Variants in FAAH2 observed in about 807,000 individuals in gnomAD.
FAAH2 encodes the protein fatty-acid amide hydrolase 2.
FAAH2 carries 60 observed loss-of-function variants against 36.9 expected under a neutral mutation model. The ratio of observed to expected loss-of-function variants is 1.63; its 90% CI spans 1.32 to 2.02. The LOEUF (loss-of-function observed/expected upper bound fraction) is 2.02, where lower values mean the gene tolerates loss of function less well. Ranked by LOEUF, FAAH2 falls within the 30% of genes most tolerant of loss-of-function variation. FAAH2 has a pLI of 0.00. For synonymous variants in FAAH2, 214 were observed against 143.8 expected (o/e 1.49, Z -3.49); for missense variants, 689 against 397.5 (o/e 1.73, Z -6.23).
At chrX:57,207,558 G>A in the FAAH2 span, among the ~76,000 whole-genome samples, 5 of 112,179 alleles carry the variant, frequency 4.5e-5, no homozygotes, top group East Asian at 2.8e-4. Context: ...CCTCCTGTTC[G>A]TTTAGTTTTA....
the FAAH2 span, among the ~76,000 whole-genome samples, chrX:57,252,087 G>A: frequency 1.8e-5 from 2 of 112,792 alleles, no homozygotes; most frequent in African/African-American, 6.4e-5. Context: ...TGGCTTGGTG[G>A]TTCCCACACC....
intron 5 of FAAH2, among the ~76,000 whole-genome samples, chrX:57,362,173 C>CA (rs1013911425): frequency 2.7e-5 from 3 of 110,611 alleles, no homozygotes; most frequent in African/African-American, 9.9e-5. Flanking sequence ...TATGCAGCCA[C>CA]AAAAAAAGAT....
intron 3 of FAAH2, among the ~76,000 whole-genome samples, chrX:57,325,570 C>G (rs1415737300): frequency 9.3e-6 from 1 of 107,441 alleles, no homozygotes; most frequent in Non-Finnish European, 1.9e-5. Flanking sequence ...AGTCTTGGGA[C>G]AGTGTAGGTG....
At chrX:57,325,658 G>A (rs1162698580) in intron 3 of FAAH2, among the ~76,000 whole-genome samples, 3 of 89,719 alleles carry the variant, frequency 3.3e-5, no homozygotes, top group Non-Finnish European at 6.6e-5. Flanking sequence ...ATGGTAGTTT[G>A]TATTTCTGTG....
At chrX:57,385,265 G>T (rs1452958641) in intron 7 of FAAH2, among the ~76,000 whole-genome samples, 32 of 66,990 alleles carry the variant, frequency 4.8e-4, no homozygotes, top group African/African-American at 1.4e-3. Context: ...TGTACCCTAA[G>T]ACTTAAAGTA....
chrX:57,406,256 G>A (rs12559310), intron 7 of FAAH2, among the ~76,000 whole-genome samples: 40,791 of 111,139 alleles, frequency 0.37, 6,325 homozygotes, highest in Middle Eastern at 0.61. Context: ...GCTGCTTATC[G>A]TAATGATGCA....
chrX:57,245,580 C>G, the FAAH2 span, among the ~76,000 whole-genome samples: 2 of 112,026 alleles, frequency 1.8e-5, no homozygotes, highest in Non-Finnish European at 3.8e-5. Flanking sequence ...GAAACTCACT[C>G]GAAACCCCAC....
the FAAH2 span, among the ~76,000 whole-genome samples, chrX:57,174,827 ATTG>A: frequency 5.4e-5 from 6 of 111,637 alleles, no homozygotes; most frequent in African/African-American, 1.3e-4. Context: ...TCTTGATTTC[ATTG>A]TTAAGCCAAA....
At chrX:57,258,139 C>T in the FAAH2 span, among the ~76,000 whole-genome samples, 1 of 111,025 alleles carries the variant, frequency 9.0e-6, no homozygotes, top group Non-Finnish European at 1.9e-5. Context: ...AGAAATATAA[C>T]CTAAACTCTA....
chrX:57,452,088 A>G, intron 10 of FAAH2: 2 of 637,276 alleles, frequency 3.1e-6, no homozygotes, highest in Non-Finnish European at 3.8e-6. Context: ...AACAGCTTAC[A>G]AAAGTGGCCT....
At chrX:57,476,537 G>T (rs778457771) in intron 10 of FAAH2, among the ~76,000 whole-genome samples, 3 of 111,042 alleles carry the variant, frequency 2.7e-5, no homozygotes, top group African/African-American at 9.8e-5. Flanking sequence ...GGATGAAGCC[G>T]ACTTGATCAT....
intron 8 of FAAH2, among the ~76,000 whole-genome samples, chrX:57,441,061 C>A (rs374218173): frequency 2.8e-4 from 31 of 111,105 alleles, no homozygotes; most frequent in East Asian, 8.5e-4. Flanking sequence ...GTCTAAAATT[C>A]TCTTTTTTTG....
At chrX:57,248,963 T>A in the FAAH2 span, among the ~76,000 whole-genome samples, 1 of 109,785 alleles carries the variant, frequency 9.1e-6, no homozygotes, top group African/African-American at 3.3e-5. Flanking sequence ...TGCCTAATTC[T>A]GCCAATATGT....
intron 7 of FAAH2, among the ~76,000 whole-genome samples, chrX:57,415,878 C>A (rs747679702): frequency 9.0e-6 from 1 of 111,179 alleles, no homozygotes; most frequent in Non-Finnish European, 1.9e-5. Context: ...TTGTAGGTCT[C>A]TAAGAACTTG....
the FAAH2 span, among the ~76,000 whole-genome samples, chrX:57,263,177 G>A: frequency 9.0e-6 from 1 of 111,458 alleles, no homozygotes; most frequent in African/African-American, 3.2e-5. Context: ...AGTTGAAGTT[G>A]ACATGATTGT....
intron 5 of FAAH2, among the ~76,000 whole-genome samples, chrX:57,358,958 C>T (rs1433597506): frequency 1.8e-5 from 2 of 110,859 alleles, no homozygotes; most frequent in Non-Finnish European, 3.8e-5. Flanking sequence ...TTGATACAGG[C>T]ATAAAATGCA....
the FAAH2 span, chrX:57,121,886 C>G: frequency 9.2e-6 from 1 of 108,788 alleles, no homozygotes; most frequent in Non-Finnish European, 1.9e-5. Flanking sequence ...GTCCCATGCC[C>G]TTATGGATTT....
At chrX:57,445,844 C>T (rs748019183) in intron 8 of FAAH2, among the ~76,000 whole-genome samples, 1 of 112,162 alleles carries the variant, frequency 8.9e-6, no homozygotes, top group Non-Finnish European at 1.9e-5. Flanking sequence ...AGGTTGGGTG[C>T]ATCCAAAATC....
Position 57,380,027 on chromosome X carries a change from T to C in FAAH2, c.879-885T>C, listed in dbSNP as rs2054799815. Reference sequence around the variant, plus strand: ...ATATATTTTTGGGCTACATGAGATATTTTGAAGCAGTCATGTAATGCATAA... The same window carrying C: ...ATATATTTTTGGGCTACATGAGATACTTTGAAGCAGTCATGTAATGCATAA... On this transcript the variant is annotated intron_variant, in intron 6 of 10. Coordinates refer to ENST00000374900, the MANE Select transcript of FAAH2 (RefSeq NM_174912.4). Among the ~76,000 whole-genome samples, 5 of 110,971 alleles carry C rather than the reference T, an allele frequency of 4.5e-5. No individual in the cohort carries two copies. The Admixed American group carries it at 4.8e-4, about 11-fold the overall frequency.
Sources: allele counts gnomAD v4.1 joint callset (sites outside exome capture counted in the v4.1 genomes callset), GRCh38; gene constraint gnomAD v4.1.1; transcripts MANE v1.5; gene names NCBI Gene and HGNC (gene_info 2026-07-23, HGNC 2026-07-21).